The following MGAT4C variants were observed in gnomAD, a reference collection of about 807,000 sequenced individuals.
MGAT4C encodes alpha-1,3-mannosyl-glycoprotein 4-beta-N-acetylglucosaminyltransferase C.
A neutral mutation model predicts 40.1 loss-of-function variants in MGAT4C; 19 were observed. That is an observed-to-expected ratio of 0.47 (90% CI 0.33 to 0.70). The LOEUF is 0.70. MGAT4C is among the 30% of genes least tolerant of loss of function. The pLI is 0.02. For synonymous variants in MGAT4C, 181 were observed against 187.1 expected, an observed-to-expected ratio of 0.97 and a Z score of 0.27; for missense variants, 491 against 563.2, an observed-to-expected ratio of 0.87 and a Z score of 1.30.
chr12:86,446,883 T>C lies in MGAT4C; in HGVS notation c.-228-11618A>G, dbSNP rs1490324025. Among the ~76,000 whole-genome samples, 3 of 151,462 alleles carry C rather than the reference T, an allele frequency of 2.0e-5. No individual in the cohort carries two copies. The Admixed American group carries it at 2.0e-4, about 10-fold the overall frequency. Reference sequence around the variant, plus strand: ...CAAATGTAAACATTATATGTAAATATATAAAAATTGATATTCTAAATGCTT... The same window carrying C: ...CAAATGTAAACATTATATGTAAATACATAAAAATTGATATTCTAAATGCTT... On this transcript the variant is annotated intron_variant, in intron 2 of 7. Coordinates refer to the MGAT4C transcript ENST00000548651.
At chr12:86,757,204 C>T (rs1443261210) in intron 1 of MGAT4C, among the ~76,000 whole-genome samples, 9 of 87,862 alleles carry the variant, frequency 1.0e-4, no homozygotes, top group South Asian at 8.6e-4. Flanking sequence ...CATCACACAC[C>T]GGGGCCTGTT....
intron 3 of MGAT4C, among the ~76,000 whole-genome samples, chr12:86,398,858 G>A (rs1565732542): frequency 6.6e-6 from 1 of 152,102 alleles, no homozygotes; most frequent in Non-Finnish European, 1.5e-5. Flanking sequence ...ATACCAGAGG[G>A]AAGGAATGTC....
intron 1 of MGAT4C, among the ~76,000 whole-genome samples, chr12:86,801,654 T>C (rs1443691895): frequency 6.6e-6 from 1 of 151,818 alleles, no homozygotes; most frequent in Non-Finnish European, 1.5e-5. Flanking sequence ...CTCCTGCTTA[T>C]AAAGTTGGAA....
At chr12:86,722,711 G>A (rs1950756893) in intron 2 of MGAT4C, among the ~76,000 whole-genome samples, 1 of 152,124 alleles carries the variant, frequency 6.6e-6, no homozygotes, top group Non-Finnish European at 1.5e-5. Context: ...TCATATCTCA[G>A]CATTGCTTTA....
intron 2 of MGAT4C, among the ~76,000 whole-genome samples, chr12:86,493,049 C>T (rs929475298): frequency 2.1e-4 from 31 of 150,706 alleles, no homozygotes; most frequent in Non-Finnish European, 3.5e-4. Flanking sequence ...TGAAAAAATG[C>T]TCACCATCAC....
At chr12:86,419,243 T>C (rs1956777526) in intron 3 of MGAT4C, among the ~76,000 whole-genome samples, 1 of 152,028 alleles carries the variant, frequency 6.6e-6, no homozygotes, top group Non-Finnish European at 1.5e-5. Context: ...ATTAAGATAA[T>C]TTCTTCAATC....
intron 4 of MGAT4C, among the ~76,000 whole-genome samples, chr12:86,297,337 G>T (rs73182000): frequency 0.044 from 6,662 of 152,136 alleles, 207 homozygotes; most frequent in Non-Finnish European, 0.065. Flanking sequence ...TTTGAAGCAC[G>T]GTAATAGTAT....
chr12:86,029,819 A>G (rs541512992), intron 2 of MGAT4C, among the ~76,000 whole-genome samples: 146 of 151,790 alleles, frequency 9.6e-4, no homozygotes, highest in Non-Finnish European at 1.5e-3. Flanking sequence ...GTAATTCAAG[A>G]ACATTAAAAA....
intron 1 of MGAT4C, among the ~76,000 whole-genome samples, chr12:86,791,384 C>A (rs750081207): frequency 5.3e-5 from 8 of 149,864 alleles, no homozygotes; most frequent in Non-Finnish European, 8.9e-5. Flanking sequence ...AGCATTTACA[C>A]GGAAGAAAAA....
At chr12:86,685,149 T>C (rs1192634164) in intron 2 of MGAT4C, among the ~76,000 whole-genome samples, 1 of 152,208 alleles carries the variant, frequency 6.6e-6, no homozygotes, top group East Asian at 1.9e-4. Context: ...GGTTTTCTTC[T>C]GTGGTTTTTA....
At chr12:86,488,945 C>T (rs1034116806) in intron 2 of MGAT4C, among the ~76,000 whole-genome samples, 1 of 152,114 alleles carries the variant, frequency 6.6e-6, no homozygotes, top group African/African-American at 2.4e-5. Flanking sequence ...CAAAACCCCA[C>T]CTTCAAGCCA....
rs1013208328 is a variant in MGAT4C, at chr12:85,971,293, A to C, written c.*7996T>G. ...CAGTTATTTGGTGGTACGCTGAGTGAAAATATGTAGCTTTATCTACATTAC... is the reference window on the plus strand; with the variant it reads ...CAGTTATTTGGTGGTACGCTGAGTGCAAATATGTAGCTTTATCTACATTAC... On this transcript the variant is annotated 3_prime_UTR_variant, in exon 5 of 5. Transcript: ENST00000611864. 1.3e-5 allele frequency: 2 copies of C among 151,338 alleles called. No individual in the cohort carries two copies. The highest frequency in any genetic ancestry group is 2.4e-5 in the African/African-American group (1 of 41,382). The allele number at this position is 151,338 out of a possible 1,614,324, so 9.4% of individuals were successfully genotyped here.
At chr12:86,185,199 T>C (rs1888617248) in intron 1 of MGAT4C, among the ~76,000 whole-genome samples, 1 of 152,242 alleles carries the variant, frequency 6.6e-6, no homozygotes, top group African/African-American at 2.4e-5. Flanking sequence ...TGTGTGACTA[T>C]ATTCATTGTT....
chr12:86,736,202 T>C (rs968527657), intron 1 of MGAT4C, among the ~76,000 whole-genome samples: 3 of 151,874 alleles, frequency 2.0e-5, no homozygotes, highest in Non-Finnish European at 4.4e-5. Context: ...CTTCTGTGAT[T>C]GTATCCATGA....
chr12:86,110,668 A>T (rs909690413), intron 1 of MGAT4C, among the ~76,000 whole-genome samples: 1 of 151,594 alleles, frequency 6.6e-6, no homozygotes, highest in Non-Finnish European at 1.5e-5. Flanking sequence ...TCTAAAAAGT[A>T]TGTATTTGTG....
At chr12:86,173,821 C>G (rs1887104774) in intron 1 of MGAT4C, among the ~76,000 whole-genome samples, 1 of 152,018 alleles carries the variant, frequency 6.6e-6, no homozygotes, top group African/African-American at 2.4e-5. Context: ...TTTTCGCATT[C>G]ATGACTTTAC....
At chr12:86,078,784 G>T (rs1393817537) in intron 1 of MGAT4C, among the ~76,000 whole-genome samples, 2 of 152,118 alleles carry the variant, frequency 1.3e-5, no homozygotes, top group Non-Finnish European at 2.9e-5. Context: ...TGGGCAAAGA[G>T]GCTGATTGCC....
intron 2 of MGAT4C, among the ~76,000 whole-genome samples, chr12:86,556,674 G>T (rs1481562640): frequency 6.6e-6 from 1 of 152,126 alleles, no homozygotes; most frequent in Non-Finnish European, 1.5e-5. Context: ...TATGCATTAA[G>T]TATAGGGTTT....
rs536772860 is a variant in MGAT4C, at chr12:86,410,123, C to T, written c.-120+25034G>A. Among the ~76,000 whole-genome samples the T allele has an allele frequency of 5.9e-5, 9 of 152,256 alleles. No individual in the cohort carries two copies. In the South Asian group the frequency reaches 1.9e-3, roughly 32 times the overall value. On this transcript the variant is annotated intron_variant, in intron 3 of 7. Transcript: ENST00000548651. ...AAGGCAAAGGGCAAAATTAGAATTA[C>T]TGATGAGGGACTATGTTCGGCTGTG... is the stretch of plus-strand genomic sequence containing the variant.
Sources: allele counts gnomAD v4.1 joint callset (sites outside exome capture counted in the v4.1 genomes callset), GRCh38; gene constraint gnomAD v4.1.1; transcripts MANE v1.5; gene names NCBI Gene and HGNC (gene_info 2026-07-23, HGNC 2026-07-21).